MROH9: variants seen among roughly 807,000 people sequenced by gnomAD.
MROH9 encodes the protein maestro heat-like repeat-containing protein family member 9.
MROH9 carries 92 observed loss-of-function variants against 98.2 expected under a neutral mutation model. The observed-to-expected ratio is 0.94, with a 90% CI of 0.79 to 1.11. MROH9 has a LOEUF of 1.11. Among genes scored for constraint, MROH9 ranks in the 50% most tolerant of loss-of-function variants. The pLI, the probability that MROH9 is intolerant of heterozygous loss-of-function variation, is 0.00. For missense variants in MROH9, 1,057 were observed against 1,014.8 expected, an observed-to-expected ratio of 1.04 and a Z score of -0.57; for synonymous variants, 397 against 368.9, an observed-to-expected ratio of 1.08 and a Z score of -0.87.
At chr1:171,040,689 GATA>G (rs1653268178) in intron 20 of MROH9, among the ~76,000 whole-genome samples, 1 of 151,990 alleles carries the variant, frequency 6.6e-6, no homozygotes. Context: ...GTAAAATGAG[GATA>G]ATAAGAATAG....
chr1:170,976,106 C>T (rs1332222734), intron 8 of MROH9, among the ~76,000 whole-genome samples: 1 of 152,108 alleles, frequency 6.6e-6, no homozygotes, highest in Non-Finnish European at 1.5e-5. Context: ...TTTTATTAAG[C>T]TTGCCACTCT....
intron 12 of MROH9, among the ~76,000 whole-genome samples, chr1:170,994,639 T>C (rs2101811975): frequency 6.6e-6 from 1 of 152,228 alleles, no homozygotes; most frequent in South Asian, 2.1e-4. Context: ...TATTTAAAAA[T>C]ATATTATTAT....
At chr1:171,039,964 A>AG (rs1291610037) in intron 20 of MROH9, among the ~76,000 whole-genome samples, 1 of 152,142 alleles carries the variant, frequency 6.6e-6, no homozygotes, top group Non-Finnish European at 1.5e-5. Context: ...ACTAAAGCAA[A>AG]GAAAAAATAT....
intron 17 of MROH9, among the ~76,000 whole-genome samples, chr1:171,020,080 C>G (rs1250358678): frequency 6.6e-6 from 1 of 152,038 alleles, no homozygotes; most frequent in East Asian, 1.9e-4. Flanking sequence ...AAGTTGGATC[C>G]CTGAATAGAC....
chr1:171,056,051 G>T (rs1007900594), intron 20 of MROH9, among the ~76,000 whole-genome samples: 22 of 152,166 alleles, frequency 1.4e-4, no homozygotes, highest in Non-Finnish European at 2.5e-4. Context: ...GGGGCCTAGG[G>T]CCTTAACCCC....
intron 20 of MROH9, among the ~76,000 whole-genome samples, chr1:171,030,680 T>C (rs926654717): frequency 6.6e-6 from 1 of 152,218 alleles, no homozygotes; most frequent in Admixed American, 6.5e-5. Context: ...TTCTTTTGCA[T>C]TTGCTGAGGA....
intron 20 of MROH9, among the ~76,000 whole-genome samples, chr1:171,031,989 T>C (rs1046069567): frequency 6.6e-6 from 1 of 152,238 alleles, no homozygotes; most frequent in African/African-American, 2.4e-5. Context: ...TTCATTCTTT[T>C]ATCTCTAGTC....
At chr1:170,957,795 GTT>G (rs71573033) in intron 3 of MROH9, among the ~76,000 whole-genome samples, 11,515 of 124,574 alleles carry the variant, frequency 0.092, 1,392 homozygotes, top group African/African-American at 0.28. Context: ...GCATTTTTTT[GTT>G]TTTTTTTTTT....
chr1:171,016,091 G>A, intron 16 of MROH9, 72 bp from the exon 17 acceptor site: 1 of 1,054,826 alleles, frequency 9.5e-7, no homozygotes, highest in South Asian at 3.5e-5. Flanking sequence ...CAGACTCAAG[G>A]TATCCATATA....
chr1:170,940,641 G>T (rs1436074635), intron 1 of MROH9, among the ~76,000 whole-genome samples: 1 of 152,216 alleles, frequency 6.6e-6, no homozygotes, highest in African/African-American at 2.4e-5. Context: ...ACCTGGAACA[G>T]CAACTGCATT....
intron 17 of MROH9, among the ~76,000 whole-genome samples, chr1:171,018,560 C>T (rs1045101878): frequency 1.3e-5 from 2 of 152,050 alleles, no homozygotes; most frequent in Admixed American, 6.6e-5. Flanking sequence ...ATGAGATGGA[C>T]GAATTGACAG....
At chr1:171,015,728 T>C (rs1487062711) in intron 16 of MROH9, among the ~76,000 whole-genome samples, 2 of 152,130 alleles carry the variant, frequency 1.3e-5, no homozygotes, top group African/African-American at 4.8e-5. Flanking sequence ...GCCAGGTGTC[T>C]GAAAATAAGG....
intron 1 of MROH9, among the ~76,000 whole-genome samples, chr1:170,936,346 C>T: frequency 6.6e-6 from 1 of 152,128 alleles, no homozygotes; most frequent in East Asian, 1.9e-4. Flanking sequence ...AGAACCAGAG[C>T]ACCGAGGGCA....
intron 6 of MROH9, 80 bp downstream of exon 6, chr1:170,962,056 A>G (rs17563350): frequency 0.094 from 71,834 of 760,152 alleles, 3,876 homozygotes; most frequent in Non-Finnish European, 0.11. Context: ...CTCATTTGCT[A>G]TATTTGCATC....
At chr1:171,047,683 G>A (rs961263742) in intron 20 of MROH9, among the ~76,000 whole-genome samples, 13 of 152,142 alleles carry the variant, frequency 8.5e-5, no homozygotes, top group Admixed American at 7.9e-4. Flanking sequence ...GTCATTCAGT[G>A]AGGTCATGTT....
Position 171,062,189 on chromosome 1 carries a change from T to C in MROH9, c.2339T>C (p.Leu780Pro). The C allele has an allele frequency of 1.3e-6, 2 of 1,547,716 alleles. No homozygotes were observed. The highest frequency in any genetic ancestry group is 1.7e-6 in the Non-Finnish European group (2 of 1,143,522). The change falls in exon 21 of 22, where the codon CTT becomes CCT. Residue 780 changes from leucine to proline, a missense_variant. Coordinates refer to ENST00000367759, the MANE Select transcript of MROH9 (RefSeq NM_001163629.2). Reference protein sequence around the residue: ...LLLRDEIEVMLDVIERLLRDE... With the variant: ...LLLRDEIEVMPDVIERLLRDE... Reference sequence around the variant, plus strand: ...CTTAGAGATGAAATCGAAGTCATGCTTGATGGTGAGTATTGAGGTTATAAC... The same window carrying C: ...CTTAGAGATGAAATCGAAGTCATGCCTGATGGTGAGTATTGAGGTTATAAC...
intron 15 of MROH9, among the ~76,000 whole-genome samples, chr1:171,010,464 G>C (rs1241556456): frequency 1.3e-5 from 2 of 152,158 alleles, no homozygotes; most frequent in Non-Finnish European, 2.9e-5. Context: ...TAATGGGATT[G>C]CTGGGTCAAA....
intron 16 of MROH9, chr1:171,014,878 C>G: frequency 2.3e-6 from 1 of 435,446 alleles, no homozygotes; most frequent in African/African-American, 2.0e-5. Flanking sequence ...CCTATGGAAT[C>G]AGAAATTCTG....
intron 20 of MROH9, among the ~76,000 whole-genome samples, chr1:171,045,850 A>T (rs1286527797): frequency 1.3e-5 from 2 of 152,014 alleles, no homozygotes; most frequent in Non-Finnish European, 2.9e-5. Context: ...TTCTTTGTTG[A>T]TTTTCTGTCT....
Sources: allele counts gnomAD v4.1 joint callset (sites outside exome capture counted in the v4.1 genomes callset), GRCh38; gene constraint gnomAD v4.1.1; transcripts MANE v1.5; gene names NCBI Gene and HGNC (gene_info 2026-07-23, HGNC 2026-07-21).